NBAS: variants seen among roughly 807,000 people sequenced by gnomAD.
The protein encoded by NBAS is NBAS subunit of NRZ tethering complex.
In NBAS, 219 loss-of-function variants were observed where a neutral mutation model predicts 302.5. The observed-to-expected ratio is 0.72, with a 90% CI of 0.65 to 0.81. The LOEUF (loss-of-function observed/expected upper bound fraction) is 0.81. NBAS is among the 30% of genes least tolerant of loss of function. The pLI is 0.00. For missense variants in NBAS, 2,932 were observed against 2,841.6 expected (o/e 1.03, Z -0.72); for synonymous variants, 1,118 against 1,021.6 (o/e 1.09, Z -1.80).
the NBAS span, among the ~76,000 whole-genome samples, chr2:14,845,115 G>T: frequency 1.2e-4 from 18 of 152,188 alleles, no homozygotes; most frequent in Non-Finnish European, 2.4e-4. Context: ...GTGCTCTGCT[G>T]GCTTTAGGTC....
At chr2:15,542,761 T>C (rs1663913197) in intron 6 of NBAS, among the ~76,000 whole-genome samples, 1 of 152,060 alleles carries the variant, frequency 6.6e-6, no homozygotes, top group African/African-American at 2.4e-5. Context: ...AAGATGACAA[T>C]TTTCCCCTGA....
intron 40 of NBAS, among the ~76,000 whole-genome samples, chr2:15,297,814 C>T (rs989297297): frequency 6.6e-6 from 1 of 152,090 alleles, no homozygotes; most frequent in Non-Finnish European, 1.5e-5. Flanking sequence ...TCCAGGTAGA[C>T]ATTTTTCCAT....
the NBAS span, among the ~76,000 whole-genome samples, chr2:14,993,963 A>T: frequency 6.6e-6 from 1 of 152,252 alleles, no homozygotes. Context: ...CAGAAGAGAT[A>T]AAGTCAGATA....
chr2:14,865,512 G>A, the NBAS span, among the ~76,000 whole-genome samples: 2 of 152,094 alleles, frequency 1.3e-5, no homozygotes, highest in African/African-American at 4.8e-5. Context: ...GACAGGGGAA[G>A]CTTAATTTTC....
intron 16 of NBAS, among the ~76,000 whole-genome samples, chr2:15,472,981 G>A (rs1255154756): frequency 4.6e-5 from 7 of 152,166 alleles, no homozygotes; most frequent in Non-Finnish European, 8.8e-5. Context: ...ACGTTAGGCC[G>A]AGACCAAGTA....
chr2:15,094,086 A>T, the NBAS span, among the ~76,000 whole-genome samples: 1 of 152,236 alleles, frequency 6.6e-6, no homozygotes, highest in Non-Finnish European at 1.5e-5. Flanking sequence ...TTTCTAGCCA[A>T]ACTGAAGAAT....
intron 38 of NBAS, among the ~76,000 whole-genome samples, chr2:15,313,028 A>G (rs1671348849): frequency 6.6e-6 from 1 of 152,178 alleles, no homozygotes; most frequent in Non-Finnish European, 1.5e-5. Context: ...TTACTCAAGC[A>G]CTCAGTAATT....
chr2:15,241,831 G>A (rs1233025261), intron 44 of NBAS, among the ~76,000 whole-genome samples: 2 of 152,014 alleles, frequency 1.3e-5, no homozygotes, highest in African/African-American at 2.4e-5. Flanking sequence ...TTCTCAGCAC[G>A]GAACTCAAGA....
At chr2:15,393,833 A>G (rs879626706) in intron 28 of NBAS, 11 of 414,708 alleles carry the variant, frequency 2.7e-5, no homozygotes, top group Non-Finnish European at 4.4e-5. Flanking sequence ...TACTGAGTGA[A>G]AGCCAAACAA....
intron 38 of NBAS, among the ~76,000 whole-genome samples, chr2:15,316,200 A>C (rs528382765): frequency 3.9e-4 from 60 of 152,228 alleles, no homozygotes; most frequent in Non-Finnish European, 6.8e-4. Flanking sequence ...AGCATTGTCT[A>C]AACAAGTTAT....
intron 50 of NBAS, among the ~76,000 whole-genome samples, chr2:15,183,458 A>G (rs968952698): frequency 4.0e-4 from 61 of 152,232 alleles, no homozygotes; most frequent in African/African-American, 1.4e-3. Context: ...TTAACCCAGT[A>G]CCTTGTCTCT....
At chr2:15,007,723 C>T in the NBAS span, among the ~76,000 whole-genome samples, 1 of 152,150 alleles carries the variant, frequency 6.6e-6, no homozygotes, top group African/African-American at 2.4e-5. Context: ...CTCCAGATAT[C>T]AAGCATGGCT....
In NBAS at chr2:15,430,148, T is replaced by C. The variant is rs73917336; in HGVS notation, c.2340-2354A>G. On this transcript the variant is annotated intron_variant, in intron 21 of 51. Coordinates refer to ENST00000281513, the MANE Select transcript of NBAS (RefSeq NM_015909.4). Reference sequence around the variant, plus strand: ...ATTTGTATTTCCTATTCAAAGTATATATTAGATGCAAGAGTTATTAGGAAC... The same window carrying C: ...ATTTGTATTTCCTATTCAAAGTATACATTAGATGCAAGAGTTATTAGGAAC... Among the ~76,000 whole-genome samples the C allele has an allele frequency of 9.7e-3, 1,479 of 152,316 alleles. 31 individuals are homozygous for C. The highest frequency in any genetic ancestry group is 0.034 in the African/African-American group (1,407 of 41,582).
the NBAS span, among the ~76,000 whole-genome samples, chr2:14,786,748 G>A: frequency 6.6e-6 from 1 of 151,958 alleles, no homozygotes; most frequent in Non-Finnish European, 1.5e-5. Context: ...CCAACTATGT[G>A]GTCAATTTTG....
rs1035604560 is a variant in NBAS, at chr2:15,287,280, A to G, written c.5028-97T>C. ...CTCATTAGGACTGCTCTCCAGTGAG[A>G]GAGGTGCAAGCAGTGTGGTCCTTAA... On this transcript the variant is annotated intron_variant, in intron 41 of 51. Transcript: ENST00000281513. 3 of 870,692 alleles carry G rather than the reference A, an allele frequency of 3.4e-6. No individual in the cohort carries two copies. The African/African-American group carries it at 4.9e-5, about 14-fold the overall frequency. The allele number at this position is 870,692 out of a possible 1,614,324, so 53.9% of individuals were successfully genotyped here.
At chr2:15,291,425 T>C (rs1670299864) in intron 41 of NBAS, among the ~76,000 whole-genome samples, 7 of 152,256 alleles carry the variant, frequency 4.6e-5, no homozygotes, top group Admixed American at 4.6e-4. Flanking sequence ...ACTCAATAAA[T>C]TGTGGTCTTA....
At chr2:14,935,384 A>T in the NBAS span, among the ~76,000 whole-genome samples, 1 of 152,110 alleles carries the variant, frequency 6.6e-6, no homozygotes, top group South Asian at 2.1e-4. Context: ...ATTGTTTTAT[A>T]TTTGATATAA....
chr2:15,050,776 A>G, the NBAS span, among the ~76,000 whole-genome samples: 2 of 151,944 alleles, frequency 1.3e-5, no homozygotes, highest in East Asian at 1.9e-4. Context: ...TTCCACCTCT[A>G]ATCTGCACGC....
At chr2:15,393,843 A>C (rs1675732769) in intron 28 of NBAS, 2 of 403,778 alleles carry the variant, frequency 5.0e-6, no homozygotes, top group Non-Finnish European at 1.0e-5. Flanking sequence ...AAGCCAAACA[A>C]ACACACAAAC....
Sources: gnomAD v4.1 joint callset for allele counts (sites outside exome capture counted in the v4.1 genomes callset) on GRCh38, gnomAD v4.1.1 for gene constraint, MANE v1.5 for transcripts, NCBI Gene and HGNC (gene_info 2026-07-23, HGNC 2026-07-21) for gene names.